Variants in LAMA2 observed in about 807,000 individuals in gnomAD.
LAMA2 encodes laminin subunit alpha 2, also known as laminin subunit alpha-2.
A neutral mutation model predicts 364.8 loss-of-function variants in LAMA2; 269 were observed. The ratio of observed to expected loss-of-function variants is 0.74; its 90% CI spans 0.67 to 0.82. The LOEUF is 0.82. LAMA2 is among the 40% of genes least tolerant of loss of function. LAMA2 has a pLI of 0.00. For missense variants in LAMA2, 3,807 were observed against 3,873.2 expected (o/e 0.98, Z 0.45); for synonymous variants, 1,379 against 1,370.6 (o/e 1.01, Z -0.14).
intron 6 of LAMA2, among the ~76,000 whole-genome samples, chr6:129,148,650 A>G (rs1190991407): frequency 1.3e-5 from 2 of 152,052 alleles, no homozygotes; most frequent in African/African-American, 2.4e-5. Flanking sequence ...GGAGCCTTAA[A>G]ACAAGCTAAT....
chr6:129,504,926 C>G (rs1785935466), intron 60 of LAMA2, among the ~76,000 whole-genome samples: 1 of 152,208 alleles, frequency 6.6e-6, no homozygotes, highest in African/African-American at 2.4e-5. Context: ...CACACATATC[C>G]ACATTTGGCA....
intron 1 of LAMA2, among the ~76,000 whole-genome samples, chr6:129,040,050 T>C (rs1582920503): frequency 6.6e-6 from 1 of 152,130 alleles, no homozygotes; most frequent in South Asian, 2.1e-4. Context: ...GAATTTGAGG[T>C]AGAGACAAAA....
intron 1 of LAMA2, among the ~76,000 whole-genome samples, chr6:128,964,452 G>A (rs1451757749): frequency 6.6e-6 from 1 of 152,004 alleles, no homozygotes; most frequent in Non-Finnish European, 1.5e-5. Flanking sequence ...GATTTTATAG[G>A]ACAGGGTACT....
intron 16 of LAMA2, among the ~76,000 whole-genome samples, chr6:129,267,594 G>A (rs559654248): frequency 2.0e-5 from 3 of 152,070 alleles, no homozygotes; most frequent in African/African-American, 4.8e-5. Context: ...TATGAAAAGT[G>A]TAAAATATAA....
intron 9 of LAMA2, among the ~76,000 whole-genome samples, chr6:129,171,216 G>T (rs371787062): frequency 3.9e-5 from 6 of 152,102 alleles, no homozygotes; most frequent in Non-Finnish European, 5.9e-5. Context: ...ATCCTGTCAT[G>T]ATGATGTTAG....
At chr6:129,316,757 C>T (rs1247375063) in intron 27 of LAMA2, among the ~76,000 whole-genome samples, 2 of 152,050 alleles carry the variant, frequency 1.3e-5, no homozygotes, top group Admixed American at 1.3e-4. Context: ...TTCTTATGAC[C>T]AAAATTGGCC....
At chr6:128,925,011 A>G (rs1482128686) in intron 1 of LAMA2, among the ~76,000 whole-genome samples, 1 of 152,200 alleles carries the variant, frequency 6.6e-6, no homozygotes, top group East Asian at 1.9e-4. Context: ...TTAAAAATGG[A>G]AGGTAGAAAT....
intron 34 of LAMA2, among the ~76,000 whole-genome samples, chr6:129,376,717 C>T (rs1398331801): frequency 1.3e-5 from 2 of 152,106 alleles, no homozygotes; most frequent in Non-Finnish European, 2.9e-5. Context: ...CTGTTAACTC[C>T]AATTTACCTT....
intron 1 of LAMA2, among the ~76,000 whole-genome samples, chr6:128,939,284 C>T (rs1780019298): frequency 6.6e-6 from 1 of 151,476 alleles, no homozygotes; most frequent in Non-Finnish European, 1.5e-5. Context: ...TAGACTTTGT[C>T]ATAATGTATT....
rs1207760640 is a variant in LAMA2 at position 129,192,806 on chromosome 6, C to A, written c.1735C>A (p.Pro579Thr). The A allele has an allele frequency of 1.2e-6, 2 of 1,614,176 alleles. No individual in the cohort carries two copies. The highest frequency in any genetic ancestry group is 1.7e-6 in the Non-Finnish European group (2 of 1,180,030). ...TAACGCGGAGGCCCGGCAAGCCCTG[C>A]CGCACAGCTACTACTGGAGCGCGCC... ...ISNAEARQAL[P>T]HSYYWSAPAP... Residue 579 changes from proline to threonine, a missense_variant, in exon 12 of 65, where the codon CCG becomes ACG. Coordinates refer to ENST00000421865, the MANE Select transcript of LAMA2 (RefSeq NM_000426.4).
chr6:129,308,487 C>T (rs992884924), intron 22 of LAMA2, among the ~76,000 whole-genome samples: 4 of 152,214 alleles, frequency 2.6e-5, no homozygotes, highest in East Asian at 1.9e-4. Flanking sequence ...TCTATGAAAA[C>T]GTAGTTATAT....
chr6:129,148,450 C>T (rs1778604490), intron 6 of LAMA2, among the ~76,000 whole-genome samples: 1 of 151,914 alleles, frequency 6.6e-6, no homozygotes. Context: ...GTTTCCCAGG[C>T]TTTAAAAGTC....
chr6:129,379,802 A>G (rs1348476901), intron 34 of LAMA2, among the ~76,000 whole-genome samples: 1 of 152,176 alleles, frequency 6.6e-6, no homozygotes, highest in Non-Finnish European at 1.5e-5. Flanking sequence ...CTGAGCTTCT[A>G]AAAAATGCCC....
intron 28 of LAMA2, among the ~76,000 whole-genome samples, chr6:129,326,781 A>ATT (rs1001222192): frequency 2.0e-4 from 27 of 132,456 alleles, no homozygotes; most frequent in Middle Eastern, 3.9e-3. Flanking sequence ...TAATTTATAT[A>ATT]TTATATATAT....
intron 60 of LAMA2, among the ~76,000 whole-genome samples, chr6:129,504,040 C>T (rs1018316502): frequency 2.0e-5 from 3 of 152,176 alleles, no homozygotes; most frequent in Non-Finnish European, 4.4e-5. Flanking sequence ...AGCAAAGCTT[C>T]CCTAGGTAGA....
intron 9 of LAMA2, among the ~76,000 whole-genome samples, chr6:129,167,219 G>A (rs973060800): frequency 3.3e-5 from 5 of 151,586 alleles, no homozygotes; most frequent in African/African-American, 1.2e-4. Flanking sequence ...GTGCAGGTTA[G>A]TTACATATGT....
intron 54 of LAMA2, chr6:129,479,922 G>T (rs2275213): frequency 0.27 from 40,777 of 151,966 alleles, 5,554 homozygotes; most frequent in South Asian, 0.34. Context: ...ACCCATACTG[G>T]CTTCTTAAAG....
rs187244728 is a variant in LAMA2, at chr6:129,267,090, C to T, written c.2209-16C>T. ...TTTAATCTCCAAGACTGACTAAAGC[C>T]TTATCTTTCTCTCAGTCTTGTTGGC... On this transcript the variant is annotated splice_polypyrimidine_tract_variant and intron_variant, in intron 15 of 64. Coordinates refer to ENST00000421865, the MANE Select transcript of LAMA2 (RefSeq NM_000426.4). The T allele has an allele frequency of 1.2e-5, 18 of 1,515,448 alleles. No individual in the cohort carries two copies. The East Asian group carries it at 3.8e-4, about 32-fold the overall frequency. 93.9% of individuals were successfully genotyped at this position (1,515,448 alleles called of 1,614,324 possible).
At chr6:129,422,745 C>G (rs538936392) in intron 40 of LAMA2, among the ~76,000 whole-genome samples, 1 of 152,186 alleles carries the variant, frequency 6.6e-6, no homozygotes, top group East Asian at 1.9e-4. Context: ...GATGACTTTA[C>G]TTGTGAATTC....
Sources: gnomAD v4.1 joint callset for allele counts (sites outside exome capture counted in the v4.1 genomes callset) on GRCh38, gnomAD v4.1.1 for gene constraint, MANE v1.5 for transcripts, NCBI Gene and HGNC (gene_info 2026-07-23, HGNC 2026-07-21) for gene names.